Variants in MROH7 observed in about 807,000 individuals in gnomAD.
The protein encoded by MROH7 is maestro heat like repeat family member 7, also known as maestro heat-like repeat-containing protein family member 7.
MROH7 carries 113 observed loss-of-function variants against 129.2 expected under a neutral mutation model. The observed-to-expected ratio is 0.87, with a 90% CI of 0.75 to 1.02. The LOEUF (loss-of-function observed/expected upper bound fraction) is 1.02, where lower values mean the gene tolerates loss of function less well. Among genes scored for constraint, MROH7 ranks in the 50% least tolerant of loss-of-function variants. The probability of loss-of-function intolerance (pLI) is 0.00; values close to 1 mark genes in which losing one functional copy is unlikely to be tolerated. For synonymous variants in MROH7, 655 were observed against 667.9 expected (o/e 0.98, Z 0.30); for missense variants, 1,601 against 1,671.3 (o/e 0.96, Z 0.73).
chr1:54,642,183 C>G (rs1177154469), intron 1 of MROH7, among the ~76,000 whole-genome samples: 1 of 152,126 alleles, frequency 6.6e-6, no homozygotes, highest in South Asian at 2.1e-4. Flanking sequence ...TGCCCTCACC[C>G]AGGGGAGGAA....
chr1:54,678,213 C>A (rs1291606281), intron 10 of MROH7, among the ~76,000 whole-genome samples: 1 of 152,208 alleles, frequency 6.6e-6, no homozygotes, highest in Non-Finnish European at 1.5e-5. Flanking sequence ...ATACAACTAA[C>A]AACTGTGTAG....
Position 54,709,077 on chromosome 1 carries a change from G to T in MROH7, c.3730+1G>T. On this transcript the variant is annotated splice_donor_variant, in intron 23 of 23. Coordinates refer to ENST00000421030, the MANE Select transcript of MROH7 (RefSeq NM_001039464.4). LOFTEE classifies it high-confidence loss of function. ...GATCGTCTGAATGAAGTGAAAGCTGGTAAGTCATGCCCCGCATTGGTGAAA... is the reference window on the plus strand; with the variant it reads ...GATCGTCTGAATGAAGTGAAAGCTGTTAAGTCATGCCCCGCATTGGTGAAA... 1 of 1,614,168 alleles carries T rather than the reference G, an allele frequency of 6.2e-7. No individual in the cohort carries two copies. The highest frequency in any genetic ancestry group is 8.5e-7 in the Non-Finnish European group (1 of 1,180,000).
intron 16 of MROH7, among the ~76,000 whole-genome samples, chr1:54,693,941 G>T (rs142857828): frequency 0.014 from 2,092 of 152,306 alleles, 48 homozygotes; most frequent in African/African-American, 0.049. Context: ...GAGTGCAGTG[G>T]TGTGATCTCT....
intron 3 of MROH7, among the ~76,000 whole-genome samples, chr1:54,662,868 T>TG (rs2101088119): frequency 1.3e-5 from 2 of 152,314 alleles, no homozygotes; most frequent in South Asian, 4.1e-4. Flanking sequence ...TTGATACATT[T>TG]GAAGATGACA....
intron 10 of MROH7, among the ~76,000 whole-genome samples, 198 bp from the exon 11 acceptor site, chr1:54,678,544 T>C (rs1219044868): frequency 6.6e-6 from 1 of 152,058 alleles, no homozygotes; most frequent in Admixed American, 6.6e-5. Context: ...GAGAGGGCTA[T>C]TGATGGAAAG....
At chr1:54,693,871 A>G (rs1645278395) in intron 16 of MROH7, among the ~76,000 whole-genome samples, 1 of 152,138 alleles carries the variant, frequency 6.6e-6, no homozygotes, top group Non-Finnish European at 1.5e-5. Context: ...TGACTGATGA[A>G]ATAGCACTTT....
Position 54,709,067 on chromosome 1 carries a change from G to T in MROH7, c.3721G>T (p.Val1241Leu), listed in dbSNP as rs747053561. ...SIMTEDRLNE[V>L]KAALDNLRHD... is the part of the protein sequence containing the mutation. ...AATGACAGAAGATCGTCTGAATGAA[G>T]TGAAAGCTGGTAAGTCATGCCCCGC... The change falls in exon 23 of 24, where the codon GTG (valine) becomes TTG (leucine). Residue 1241 changes from valine to leucine, a missense_variant. By Grantham distance (32) the Val-to-Leu change is conservative. Transcript: ENST00000421030. The T allele has an allele frequency of 2.5e-6, 4 of 1,614,208 alleles. No homozygotes were observed. The highest frequency in any genetic ancestry group is 1.7e-5 in the Admixed American group (1 of 60,030).
At position 54,687,191 on chromosome 1, in the gene MROH7, A is replaced by C. The variant is rs181012046; in HGVS notation, c.2711+743A>C. On this transcript the variant is annotated intron_variant, in intron 15 of 23. Transcript: ENST00000421030. ...TGGGTTCAAACAATTCTCCTACCTC[A>C]GCCTCCCGAGTAGCTGGGATTACCA... Among the ~76,000 whole-genome samples, 1,006 of 152,156 alleles carry C rather than the reference A, an allele frequency of 6.6e-3. 17 individuals are homozygous for C. Among genetic ancestry groups the C allele is most frequent in the African/African-American group, 0.023 (969 of 41,482 alleles).
At chr1:54,648,076 G>A (rs1308789061) in intron 1 of MROH7, among the ~76,000 whole-genome samples, 2 of 151,940 alleles carry the variant, frequency 1.3e-5, no homozygotes, top group Non-Finnish European at 1.5e-5. Context: ...TTGAGATAGA[G>A]TCTTATTATG....
intron 4 of MROH7, 58 bp downstream of exon 4, chr1:54,665,298 C>A: frequency 7.1e-7 from 1 of 1,416,714 alleles, no homozygotes; most frequent in Non-Finnish European, 9.9e-7. Context: ...TCCTGCCAAC[C>A]CCCTACCCCC....
intron 2 of MROH7, 56 bp from the exon 3 acceptor site, chr1:54,652,797 C>T: frequency 7.8e-7 from 1 of 1,285,438 alleles, no homozygotes; most frequent in East Asian, 2.4e-5. Context: ...AGTGGGAGCC[C>T]TGGAAAAGCC....
rs1645458113 is a variant in MROH7 at position 54,702,606 on chromosome 1, T to C, written c.3442-17T>C. ...GGCTGTCCACAGTTCTGATATTTTC[T>C]TCCTATTGGTTCCCAGAAGTGTGTG... is the stretch of plus-strand genomic sequence containing the variant. On this transcript the variant is annotated splice_polypyrimidine_tract_variant and intron_variant, in intron 20 of 23. Coordinates refer to ENST00000421030, the MANE Select transcript of MROH7 (RefSeq NM_001039464.4). The C allele has an allele frequency of 1.3e-6, 2 of 1,571,406 alleles. No individual in the cohort carries two copies. Among genetic ancestry groups the C allele is most frequent in the African/African-American group, 1.4e-5 (1 of 73,666 alleles).
chr1:54,642,990 G>GTCAT (rs888747871), intron 1 of MROH7, among the ~76,000 whole-genome samples: 18 of 152,310 alleles, frequency 1.2e-4, no homozygotes, highest in East Asian at 3.9e-4. Flanking sequence ...TTGAAGAGTT[G>GTCAT]TCATTCATTC....
In MROH7 at chr1:54,652,859, G is replaced by T. The variant is rs866225838; in HGVS notation, c.-68G>T. 9 of 1,518,000 alleles carry T rather than the reference G, an allele frequency of 5.9e-6. No homozygotes were observed. In the Middle Eastern group the frequency reaches 7.1e-4, roughly 121 times the overall value. The allele number at this position is 1,518,000 out of a possible 1,614,324, so 94.0% of individuals were successfully genotyped here. ...GTCTTTTCTCTCTCTCAAGACTGCT[G>T]CTGGGAATGTGACAGTTGGCTGTTG... On this transcript the variant is annotated 5_prime_UTR_variant, in exon 3 of 24. Transcript: ENST00000421030.
chr1:54,692,221 G>T (rs1045409678), intron 15 of MROH7, among the ~76,000 whole-genome samples: 9 of 152,230 alleles, frequency 5.9e-5, no homozygotes, highest in Non-Finnish European at 1.0e-4. Context: ...TAGGGAGGTG[G>T]ACTTTGCTTC....
intron 15 of MROH7, 126 bp from the exon 16 acceptor site, chr1:54,692,298 A>C: frequency 8.3e-7 from 1 of 1,199,912 alleles, no homozygotes; most frequent in Non-Finnish European, 1.2e-6. Context: ...GATACACTGA[A>C]TACCCCTACC....
intron 3 of MROH7, among the ~76,000 whole-genome samples, chr1:54,663,267 T>C (rs1168326451): frequency 6.6e-6 from 1 of 152,220 alleles, no homozygotes; most frequent in South Asian, 2.1e-4. Context: ...TCCGTTTTTT[T>C]CACAATTTAT....
In MROH7 at chr1:54,699,123, T is replaced by TTTCTTTCTTTCTTTC. The variant is rs1557726853; in HGVS notation, c.2965-1195_2965-1181dup. On this transcript the variant is annotated intron_variant, in intron 17 of 23. Coordinates refer to ENST00000421030, the MANE Select transcript of MROH7 (RefSeq NM_001039464.4). ...CTTTCTTTCTTTCTTTCTTTCTTTC[T>TTTCTTTCTTTCTTTC]TTCTTTCTTTCTTTCTTTCTTTCTT... The TTTCTTTCTTTCTTTC allele has an allele frequency of 3.3e-5, 3 of 90,556 alleles. No homozygotes were observed. In the East Asian group the frequency reaches 9.1e-4, roughly 27 times the overall value. 5.6% of individuals were successfully genotyped at this position (90,556 alleles called of 1,614,324 possible). A position where few individuals can be genotyped will look rare whatever the true frequency, so the allele number is the denominator to read the frequency against.
chr1:54,707,021 A>T (rs2101246107), intron 22 of MROH7, among the ~76,000 whole-genome samples: 1 of 152,316 alleles, frequency 6.6e-6, no homozygotes, highest in South Asian at 2.1e-4. Context: ...TCACAGACTG[A>T]ATGAGAATAT....
Sources: allele counts gnomAD v4.1 joint callset (sites outside exome capture counted in the v4.1 genomes callset), GRCh38; gene constraint gnomAD v4.1.1; transcripts MANE v1.5; gene names NCBI Gene and HGNC (gene_info 2026-07-23, HGNC 2026-07-21).